ADAM9: variants seen among roughly 807,000 people sequenced by gnomAD.
ADAM9 encodes the protein ADAM metallopeptidase domain 9, also known as disintegrin and metalloproteinase domain-containing protein 9.
In ADAM9, 54 loss-of-function variants were observed where a neutral mutation model predicts 108.1. The ratio of observed to expected loss-of-function variants is 0.50; its 90% confidence interval spans 0.40 to 0.63. ADAM9 has a LOEUF of 0.63. Ranked by LOEUF, ADAM9 falls within the 20% of genes least tolerant of loss-of-function variation. The pLI, the probability that ADAM9 is intolerant of heterozygous loss-of-function variation, is 0.00. For synonymous variants in ADAM9, 316 were observed against 336.0 expected, an observed-to-expected ratio of 0.94 and a Z score of 0.65; for missense variants, 830 against 997.7, an observed-to-expected ratio of 0.83 and a Z score of 2.26.
At chr8:39,053,307 G>T (rs1372632106) in intron 12 of ADAM9, among the ~76,000 whole-genome samples, 1 of 152,140 alleles carries the variant, frequency 6.6e-6, no homozygotes, top group Non-Finnish European at 1.5e-5. Flanking sequence ...TTGAAGAGCA[G>T]AACTTTTTCA....
At chr8:39,096,236 T>C (rs35355873) in intron 20 of ADAM9, among the ~76,000 whole-genome samples, 29,322 of 147,932 alleles carry the variant, frequency 0.2, 5,329 homozygotes, top group South Asian at 0.38. Context: ...ATTCCAACTC[T>C]ACTCTTTTAG....
intron 13 of ADAM9, among the ~76,000 whole-genome samples, chr8:39,055,109 T>C (rs968502573): frequency 9.9e-5 from 15 of 152,178 alleles, no homozygotes; most frequent in Non-Finnish European, 1.9e-4. Flanking sequence ...ATAATTTCTT[T>C]AGTCAACTAA....
chr8:39,042,563 G>A (rs1837486560), intron 12 of ADAM9, among the ~76,000 whole-genome samples: 1 of 150,600 alleles, frequency 6.6e-6, no homozygotes, highest in Non-Finnish European at 1.5e-5. Flanking sequence ...ACTCAAAGTA[G>A]CACTCTAAAA....
intron 7 of ADAM9, among the ~76,000 whole-genome samples, chr8:39,021,082 C>G (rs1836724129): frequency 6.6e-6 from 1 of 152,072 alleles, no homozygotes; most frequent in South Asian, 2.1e-4. Flanking sequence ...TTTTAAAGTT[C>G]TACTAATTTG....
intron 12 of ADAM9, among the ~76,000 whole-genome samples, chr8:39,047,120 C>T (rs1837800393): frequency 6.6e-6 from 1 of 152,100 alleles, no homozygotes; most frequent in African/African-American, 2.4e-5. Flanking sequence ...GTATATTGAG[C>T]CATCCCAATT....
chr8:39,039,974 C>T (rs1343462480), intron 11 of ADAM9, among the ~76,000 whole-genome samples: 1 of 152,176 alleles, frequency 6.6e-6, no homozygotes, highest in Non-Finnish European at 1.5e-5. Context: ...GTGGCTGCAC[C>T]AATCTACATT....
At chr8:39,007,841 GT>G in intron 1 of ADAM9, 44 bp from the exon 2 acceptor site, 2 of 1,353,296 alleles carry the variant, frequency 1.5e-6, no homozygotes. Flanking sequence ...TTCCCACGTA[GT>G]TTTTCAGTTT....
intron 18 of ADAM9, among the ~76,000 whole-genome samples, chr8:39,085,241 A>G (rs1322410936): frequency 1.3e-5 from 2 of 152,138 alleles, no homozygotes; most frequent in African/African-American, 2.4e-5. Flanking sequence ...TTGTAGTGAT[A>G]TTGTAACACT....
rs1028870832 is a variant in ADAM9, at chr8:39,021,650, T to C, written c.680T>C (p.Met227Thr). 4 of 1,613,762 alleles carry C rather than the reference T, an allele frequency of 2.5e-6. No homozygotes were observed. Among genetic ancestry groups the C allele is most frequent in the Admixed American group, 3.3e-5 (2 of 60,002 alleles). Residue 227 changes from methionine (M) to threonine (T), a missense_variant, in exon 8 of 22, where the codon ATG becomes ACG. Met to Thr is a moderately conservative substitution (Grantham distance 81, BLOSUM62 -1). Around this residue, in one of 3 missense-constraint regions of ADAM9, gnomAD observed 381 missense variants for 539.8 expected, o/e 0.71. Transcript: ENST00000487273. ...CCTTCTTTGCTTTTCCAGTATGACA[T>C]GATGGGAAGAAATCAGACTGCTGTG... ...FIVVDKERYDMMGRNQTAVRE... is the reference protein window; with the variant it reads ...FIVVDKERYDTMGRNQTAVRE...
chr8:39,005,132 T>G (rs1388014247), intron 1 of ADAM9, among the ~76,000 whole-genome samples: 1 of 152,158 alleles, frequency 6.6e-6, no homozygotes, highest in South Asian at 2.1e-4. Context: ...ATCCTAAAGA[T>G]TGTAGAGGGA....
chr8:39,026,450 T>C (rs1226678523), intron 10 of ADAM9, among the ~76,000 whole-genome samples: 6 of 152,230 alleles, frequency 3.9e-5, no homozygotes, highest in African/African-American at 1.4e-4. Flanking sequence ...CTGTTGGTGC[T>C]AAAGTGGTTG....
chr8:39,019,043 A>T (rs1009670766), intron 7 of ADAM9, 125 bp downstream of exon 7: 2 of 1,020,496 alleles, frequency 2.0e-6, no homozygotes, highest in African/African-American at 1.6e-5. Flanking sequence ...TTTAAAACTA[A>T]AATGGTTTTT....
intron 14 of ADAM9, 91 bp from the exon 15 acceptor site, chr8:39,071,207 A>C: frequency 8.6e-7 from 1 of 1,160,536 alleles, no homozygotes; most frequent in Non-Finnish European, 1.3e-6. Flanking sequence ...CTGTTCATCC[A>C]GGTGTTTAGA....
intron 12 of ADAM9, among the ~76,000 whole-genome samples, chr8:39,047,024 C>T (rs565566711): frequency 1.2e-4 from 18 of 152,306 alleles, no homozygotes; most frequent in South Asian, 1.0e-3. Context: ...CTGCGTAAGA[C>T]GCCCAGAGTG....
intron 18 of ADAM9, among the ~76,000 whole-genome samples, chr8:39,084,555 A>G (rs1483478580): frequency 6.6e-6 from 1 of 151,942 alleles, no homozygotes; most frequent in African/African-American, 2.4e-5. Flanking sequence ...TACTGTAGCA[A>G]GAGAACATAT....
At position 39,070,191 on chromosome 8, in the gene ADAM9, C is replaced by T. The variant is rs116007144; in HGVS notation, c.1592-1107C>T. Among the ~76,000 whole-genome samples the T allele has an allele frequency of 7.6e-3, 1,144 of 150,732 alleles. 15 individuals are homozygous for T. The highest frequency in any genetic ancestry group is 0.027 in the African/African-American group (1,102 of 41,100). On this transcript the variant is annotated intron_variant, in intron 14 of 21. Transcript: ENST00000487273. ...AAAAAAAAGCTAAAATGTAACTGCCCGTTTTCAATACTAACAATAAATTGT... is the reference window on the plus strand; with the variant it reads ...AAAAAAAAGCTAAAATGTAACTGCCTGTTTTCAATACTAACAATAAATTGT...
intron 16 of ADAM9, among the ~76,000 whole-genome samples, chr8:39,078,653 T>C (rs1192151294): frequency 2.6e-5 from 4 of 152,104 alleles, no homozygotes; most frequent in Non-Finnish European, 4.4e-5. Flanking sequence ...TGGTGGTGCA[T>C]GCCTGTAGTC....
chr8:39,006,674 T>C (rs550612384), intron 1 of ADAM9, among the ~76,000 whole-genome samples: 3 of 151,918 alleles, frequency 2.0e-5, no homozygotes, highest in African/African-American at 7.2e-5. Context: ...TGTGTCTTCC[T>C]AAGAGATTTG....
chr8:39,052,747 A>G (rs542131671), intron 12 of ADAM9, among the ~76,000 whole-genome samples: 1 of 152,150 alleles, frequency 6.6e-6, no homozygotes, highest in South Asian at 2.1e-4. Flanking sequence ...CTGATTCCCT[A>G]TTCTTTCATG....
Sources: gnomAD v4.1 joint callset for allele counts (sites outside exome capture counted in the v4.1 genomes callset) on GRCh38, gnomAD v4.1.1 for gene constraint, gnomAD v4.1.1 regional missense constraint, MANE v1.5 for transcripts, NCBI Gene and HGNC (gene_info 2026-07-23, HGNC 2026-07-21) for gene names.